RSBN1L: variants seen among roughly 807,000 people sequenced by gnomAD.
RSBN1L encodes the protein lysine-specific demethylase RSBN1L.
RSBN1L carries 30 observed loss-of-function variants against 67.7 expected under a neutral mutation model. The observed-to-expected ratio is 0.44, with a 90% CI of 0.33 to 0.60. RSBN1L has a LOEUF of 0.60. Ranked by LOEUF, RSBN1L falls within the 20% of genes least tolerant of loss-of-function variation. The probability of loss-of-function intolerance (pLI) is 0.02; values close to 1 mark genes in which losing one functional copy is unlikely to be tolerated. For synonymous variants in RSBN1L, 433 were observed against 387.0 expected (o/e 1.12, Z -1.39); for missense variants, 992 against 1,031.7 (o/e 0.96, Z 0.53).
At chr7:77,758,418 A>T (rs1032576603) in intron 3 of RSBN1L, among the ~76,000 whole-genome samples, 2 of 152,240 alleles carry the variant, frequency 1.3e-5, no homozygotes, top group African/African-American at 4.8e-5. Context: ...TGATACAAGC[A>T]TGCAATATGA....
chr7:77,697,089 G>T, intron 1 of RSBN1L, 34 bp downstream of exon 1: 11 of 1,347,436 alleles, frequency 8.2e-6, no homozygotes, highest in Non-Finnish European at 1.0e-5. Flanking sequence ...AGGGGAGGGC[G>T]CCGTGGGTCC....
intron 1 of RSBN1L, 164 bp downstream of exon 1, chr7:77,697,219 A>G: frequency 3.0e-6 from 2 of 670,796 alleles, no homozygotes; most frequent in Non-Finnish European, 4.2e-6. Context: ...TCCCAAGGGG[A>G]CAGGAAATGG....
At chr7:77,724,513 C>T (rs552267317) in intron 1 of RSBN1L, among the ~76,000 whole-genome samples, 3 of 150,650 alleles carry the variant, frequency 2.0e-5, no homozygotes, top group African/African-American at 4.9e-5. Context: ...GCAACCTGTG[C>T]CTCCTGGGTT....
At chr7:77,754,517 A>T (rs1791592577) in intron 3 of RSBN1L, among the ~76,000 whole-genome samples, 1 of 152,200 alleles carries the variant, frequency 6.6e-6, no homozygotes, top group South Asian at 2.1e-4. Flanking sequence ...TGTATATTCA[A>T]GACCTCATGT....
At position 77,731,290 on chromosome 7, in the gene RSBN1L, T is replaced by G. The variant is rs532492004; in HGVS notation, c.587-5120T>G. Among the ~76,000 whole-genome samples, 33 of 152,334 alleles carry G rather than the reference T, an allele frequency of 2.2e-4. 1 individual carries two copies. In the South Asian group the frequency reaches 6.8e-3, roughly 32 times the overall value. On this transcript the variant is annotated intron_variant, in intron 1 of 7. Transcript: ENST00000334955. ...GTGCAGTGGCACGATCTCTGCTCCC[T>G]GCAACCTCTGTCTCCTGGACTCAAG...
chr7:77,765,736 A>G, intron 4 of RSBN1L, 104 bp downstream of exon 4: 1 of 784,508 alleles, frequency 1.3e-6, no homozygotes, highest in African/African-American at 1.8e-5. Flanking sequence ...TGCTACATGC[A>G]ATATAAATGA....
chr7:77,764,117 G>A (rs1300132969), intron 3 of RSBN1L, among the ~76,000 whole-genome samples: 1 of 152,156 alleles, frequency 6.6e-6, no homozygotes, highest in Non-Finnish European at 1.5e-5. Flanking sequence ...TGTCTGTGAT[G>A]TGATAAAAGT....
intron 1 of RSBN1L, among the ~76,000 whole-genome samples, chr7:77,724,799 C>G (rs1198242316): frequency 6.6e-6 from 1 of 150,548 alleles, no homozygotes; most frequent in African/African-American, 2.4e-5. Context: ...AGTTCCTTGT[C>G]TTTCTTCCCT....
intron 3 of RSBN1L, among the ~76,000 whole-genome samples, chr7:77,759,166 G>C (rs552128892): frequency 4.6e-5 from 7 of 152,128 alleles, no homozygotes; most frequent in Non-Finnish European, 7.4e-5. Flanking sequence ...CACTGTGTTA[G>C]GCTACTAAAA....
Position 77,696,860 on chromosome 7 carries a change from C to T in RSBN1L, c.391C>T (p.Pro131Ser), listed in dbSNP as rs1160911770. Residue 131 changes from proline (P) to serine (S), a missense_variant, in exon 1 of 8, where the codon CCT (proline) becomes TCT (serine). Physicochemically the swap from Pro to Ser is moderately conservative, Grantham distance 74. Coordinates refer to ENST00000334955, the MANE Select transcript of RSBN1L (RefSeq NM_198467.3). The stretch of plus-strand genomic sequence containing the variant: ...GCCGGTGCCGCGCAAACTGCTGGTC[C>T]CTCCTACGCTGCTGCACGCTCAGCC... ...SQPVPRKLLV[P>S]PTLLHAQPHH... 1.2e-6 allele frequency: 2 copies of T among 1,612,096 alleles called. No individual in the cohort carries two copies. The highest frequency in any genetic ancestry group is 2.2e-5 in the East Asian group (1 of 44,882).
chr7:77,772,185 T>C (rs1024137724), intron 5 of RSBN1L, among the ~76,000 whole-genome samples: 11 of 152,152 alleles, frequency 7.2e-5, no homozygotes, highest in African/African-American at 2.7e-4. Context: ...AAAATTATTA[T>C]GTATATGTGT....
At chr7:77,764,206 C>G (rs1791732574) in intron 3 of RSBN1L, among the ~76,000 whole-genome samples, 1 of 152,166 alleles carries the variant, frequency 6.6e-6, no homozygotes, top group African/African-American at 2.4e-5. Context: ...ACAAATTGGT[C>G]TCCTAAATTT....
chr7:77,707,946 T>C (rs1485034636), intron 1 of RSBN1L, among the ~76,000 whole-genome samples: 2 of 152,206 alleles, frequency 1.3e-5, no homozygotes, highest in Non-Finnish European at 2.9e-5. Context: ...TTTAATTAGA[T>C]ATTAGCCTTT....
At chr7:77,711,074 C>T (rs1790967799) in intron 1 of RSBN1L, among the ~76,000 whole-genome samples, 1 of 152,082 alleles carries the variant, frequency 6.6e-6, no homozygotes, top group Non-Finnish European at 1.5e-5. Flanking sequence ...GCCCGATTAT[C>T]ATTTAGAAAA....
chr7:77,768,822 T>A lies in RSBN1L; in HGVS notation c.1625+19T>A. 6.2e-7 allele frequency: 1 copy of A among 1,611,044 alleles called. No individual in the cohort carries two copies. The highest frequency in any genetic ancestry group is 8.5e-7 in the Non-Finnish European group (1 of 1,177,412). On this transcript the variant is annotated intron_variant, in intron 5 of 7. Coordinates refer to ENST00000334955, the MANE Select transcript of RSBN1L (RefSeq NM_198467.3). ...GGAAAAGGTATGTTGTATACACATT[T>A]TTATTGGAGGGGATGAGTGTTTGTA...
chr7:77,730,172 T>C (rs1227827615), intron 1 of RSBN1L, among the ~76,000 whole-genome samples: 1 of 152,160 alleles, frequency 6.6e-6, no homozygotes, highest in Non-Finnish European at 1.5e-5. Flanking sequence ...TTAAACTGTA[T>C]CATAGGTCTG....
intron 1 of RSBN1L, among the ~76,000 whole-genome samples, chr7:77,715,967 A>G (rs557508649): frequency 2.6e-5 from 4 of 152,242 alleles, no homozygotes; most frequent in Admixed American, 6.5e-5. Flanking sequence ...AAATTGTGAA[A>G]GTTCTTTACA....
intron 3 of RSBN1L, 49 bp from the exon 4 acceptor site, chr7:77,765,446 C>A (rs117919640): frequency 0.011 from 14,789 of 1,373,332 alleles, 115 homozygotes; most frequent in Non-Finnish European, 0.013. Flanking sequence ...CCATATTCTT[C>A]AGGTAAAAAG....
At chr7:77,758,066 T>TG (rs1689525662) in intron 3 of RSBN1L, among the ~76,000 whole-genome samples, 1 of 152,182 alleles carries the variant, frequency 6.6e-6, no homozygotes, top group Non-Finnish European at 1.5e-5. Context: ...TTCATGATAA[T>TG]GCTATCCTCT....
Sources: allele counts gnomAD v4.1 joint callset (sites outside exome capture counted in the v4.1 genomes callset), GRCh38; gene constraint gnomAD v4.1.1; transcripts MANE v1.5; gene names NCBI Gene and HGNC (gene_info 2026-07-23, HGNC 2026-07-21).